EFCAB5: variants seen among roughly 807,000 people sequenced by gnomAD.
The protein encoded by EFCAB5 is EF-hand calcium binding domain 5, also known as EF-hand calcium-binding domain-containing protein 5.
Under a neutral mutation model 167.9 loss-of-function variants are expected in EFCAB5, and 131 were observed. The ratio of observed to expected loss-of-function variants is 0.78; its 90% CI spans 0.68 to 0.90. The LOEUF (loss-of-function observed/expected upper bound fraction) is 0.90. Ranked by LOEUF, EFCAB5 falls within the 40% of genes least tolerant of loss-of-function variation. EFCAB5 has a pLI of 0.00. For missense variants in EFCAB5, 1,663 were observed against 1,745.2 expected, an observed-to-expected ratio of 0.95 and a Z score of 0.84; for synonymous variants, 574 against 602.8, an observed-to-expected ratio of 0.95 and a Z score of 0.70.
chr17:30,026,507 C>A (rs1197431302), intron 7 of EFCAB5, among the ~76,000 whole-genome samples: 1 of 152,036 alleles, frequency 6.6e-6, no homozygotes, highest in East Asian at 1.9e-4. Flanking sequence ...AAAAGAAAAC[C>A]ACTATAAAAG....
At chr17:29,989,671 T>G (rs1338639618) in intron 4 of EFCAB5, among the ~76,000 whole-genome samples, 1 of 130,850 alleles carries the variant, frequency 7.6e-6, no homozygotes, top group Non-Finnish European at 1.6e-5. Context: ...ATTTACCTGA[T>G]TTTTTCTTAA....
chr17:30,045,831 C>T (rs895309171), intron 8 of EFCAB5, among the ~76,000 whole-genome samples: 17 of 151,274 alleles, frequency 1.1e-4, no homozygotes, highest in Middle Eastern at 3.4e-3. Context: ...GAGACCTGGT[C>T]TCTACAAAAA....
rs757183347 is a variant in EFCAB5, at chr17:30,053,536, C to G, written c.1582C>G (p.Gln528Glu). 3 of 1,613,802 alleles carry G rather than the reference C, an allele frequency of 1.9e-6. No homozygotes were observed. Among genetic ancestry groups the G allele is most frequent in the Non-Finnish European group, 2.5e-6 (3 of 1,179,828 alleles). The change falls in exon 10 of 23, where the codon CAA becomes GAA. Residue 528 changes from glutamine to glutamate, a missense_variant. By Grantham distance (29) the Gln-to-Glu change is conservative. Transcript: ENST00000394835. Reference protein sequence around the residue: ...PQRISIEEQQQGKKPTAEQEL... With the variant: ...PQRISIEEQQEGKKPTAEQEL... ...AAGAATTTCAATTGAAGAACAACAA[C>G]AAGGCAAAAAGCCAACTGCAGAGCA...
At position 29,969,303 on chromosome 17, in the gene EFCAB5, C is replaced by CA; in HGVS notation, c.704dup (p.Arg236GlufsTer16). On this transcript the variant is annotated frameshift_variant, in exon 4 of 23. Transcript: ENST00000394835. LOFTEE classifies it high-confidence loss of function. The stretch of plus-strand genomic sequence containing the variant: ...CAAAGACCCAGGAATGTCTGGTTAC[C>CA]AGAGGTTGATGAAAGAAGTCACAGA... 1 of 1,612,108 alleles carries CA rather than the reference C, an allele frequency of 6.2e-7. No homozygotes were observed.
In EFCAB5 at chr17:30,082,918, T is replaced by G. The variant is rs1470264021; in HGVS notation, c.3454T>G (p.Tyr1152Asp). The G allele has an allele frequency of 6.2e-7, 1 of 1,613,960 alleles. No homozygotes were observed. Among genetic ancestry groups the G allele is most frequent in the Admixed American group, 1.7e-5 (1 of 60,012 alleles). ...QGVANVFSTA[Y>D]HYVHSREHIL... Reference sequence around the variant, plus strand: ...TGTTGCTAATGTCTTTAGCACTGCCTATCACTACGTCCACAGCCGGGAGCA... The same window carrying G: ...TGTTGCTAATGTCTTTAGCACTGCCGATCACTACGTCCACAGCCGGGAGCA... The change falls in exon 18 of 23, where the codon TAT (tyrosine) becomes GAT (aspartate). Residue 1152 changes from tyrosine (Y) to aspartate (D), a missense_variant. Transcript: ENST00000394835.
chr17:30,082,714 T>A (rs2071013740), intron 17 of EFCAB5, among the ~76,000 whole-genome samples, 177 bp from the exon 18 acceptor site: 1 of 152,126 alleles, frequency 6.6e-6, no homozygotes, highest in Non-Finnish European at 1.5e-5. Context: ...TTCTTGATGA[T>A]CCTTTTTTTT....
intron 5 of EFCAB5, among the ~76,000 whole-genome samples, chr17:29,994,145 TA>T (rs1372728681): frequency 2.0e-5 from 2 of 101,320 alleles, no homozygotes; most frequent in East Asian, 6.7e-4. Context: ...TATATATATA[TA>T]TATATATATA....
At chr17:30,096,667 ATATATATATATT>A (rs1293620693) in intron 22 of EFCAB5, among the ~76,000 whole-genome samples, 2 of 59,770 alleles carry the variant, frequency 3.3e-5, no homozygotes, top group African/African-American at 1.6e-4. Flanking sequence ...ATATATATAT[ATATATATATATT>A]TTTTTTTTTT....
intron 14 of EFCAB5, among the ~76,000 whole-genome samples, chr17:30,068,198 A>T (rs896562236): frequency 1.3e-5 from 2 of 152,048 alleles, no homozygotes; most frequent in Non-Finnish European, 2.9e-5. Flanking sequence ...GCTACTCGGG[A>T]GGCTGAGGCA....
In EFCAB5 at chr17:30,068,914, A is replaced by G. The variant is rs968425455; in HGVS notation, c.2737+9213A>G. The G allele has an allele frequency of 2.3e-5, 36 of 1,542,188 alleles. 1 individual carries two copies. The highest frequency in any genetic ancestry group is 1.3e-4 in the South Asian group (12 of 89,530). The stretch of plus-strand genomic sequence containing the variant: ...GATGACAGACACAGAACGAGACCAA[A>G]TAGACCAGGATGTCCAGATATTCAT... On this transcript the variant is annotated intron_variant, in intron 14 of 22. Coordinates refer to ENST00000394835, the MANE Select transcript of EFCAB5 (RefSeq NM_198529.4).
intron 3 of EFCAB5, among the ~76,000 whole-genome samples, chr17:29,944,810 A>G (rs1192750795): frequency 6.6e-6 from 1 of 151,542 alleles, no homozygotes; most frequent in Non-Finnish European, 1.5e-5. Context: ...TTTAATAGAG[A>G]TGGGGTTTCC....
At position 29,972,669 on chromosome 17, in the gene EFCAB5, A is replaced by T. The variant is rs564420399; in HGVS notation, c.767+3302A>T. 46 of 176,150 alleles carry T rather than the reference A, an allele frequency of 2.6e-4. No homozygotes were observed. The South Asian group carries it at 6.0e-3, about 23-fold the overall frequency. The allele number at this position is 176,150 out of a possible 1,614,324, so 10.9% of individuals were successfully genotyped here. ...GGGGTCTTGTGGCGGCCTGTTAGGG[A>T]TGTGATCCAGCGCTTTGGAGGCAGG... On this transcript the variant is annotated intron_variant, in intron 4 of 22. Coordinates refer to ENST00000394835, the MANE Select transcript of EFCAB5 (RefSeq NM_198529.4).
chr17:30,069,709 G>A (rs2070680432), intron 14 of EFCAB5: 5 of 1,101,832 alleles, frequency 4.5e-6, no homozygotes, highest in African/African-American at 1.6e-5. Context: ...ACCCGCCGTA[G>A]TCTCATGTAC....
At position 30,092,105 on chromosome 17, in the gene EFCAB5, A is replaced by G; in HGVS notation, c.4172A>G (p.His1391Arg). 2 of 1,613,962 alleles carry G rather than the reference A, an allele frequency of 1.2e-6. No individual in the cohort carries two copies. The highest frequency in any genetic ancestry group is 1.7e-6 in the Non-Finnish European group (2 of 1,179,864). Residue 1391 changes from histidine (H) to arginine (R), a missense_variant, in exon 21 of 23, where the codon CAT becomes CGT. Transcript: ENST00000394835. ...CTGAAGGCGGTTATCTTGTTCTTTCATCCAGAGTTGGAATTTTCAAGTGAC... is the reference window on the plus strand; with the variant it reads ...CTGAAGGCGGTTATCTTGTTCTTTCGTCCAGAGTTGGAATTTTCAAGTGAC... ...DILKAVILFF[H>R]PELEFSSDFG...
chr17:29,958,157 GA>G (rs1312795229), intron 3 of EFCAB5, among the ~76,000 whole-genome samples: 1 of 151,924 alleles, frequency 6.6e-6, no homozygotes, highest in African/African-American at 2.4e-5. Flanking sequence ...ATTTTATTAA[GA>G]AAAAAATATT....
intron 7 of EFCAB5, among the ~76,000 whole-genome samples, chr17:30,032,434 G>A (rs1014746796): frequency 1.3e-5 from 2 of 152,128 alleles, no homozygotes; most frequent in African/African-American, 4.8e-5. Context: ...ATTACTTTCA[G>A]CTAAAGGCAC....
chr17:30,094,786 G>T (rs974949048), intron 22 of EFCAB5, among the ~76,000 whole-genome samples: 7 of 152,118 alleles, frequency 4.6e-5, no homozygotes, highest in Non-Finnish European at 1.0e-4. Flanking sequence ...AGTAACATTG[G>T]GTAGCTTTGT....
At chr17:29,940,617 C>G (rs1037558878), upstream of EFCAB5, among the ~76,000 whole-genome samples, 3 of 151,930 alleles carry the variant, frequency 2.0e-5, no homozygotes, top group Admixed American at 2.0e-4. Flanking sequence ...AATTTATTTT[C>G]TATTATTTAT....
chr17:30,025,682 G>T (rs891851356), intron 7 of EFCAB5, among the ~76,000 whole-genome samples: 8 of 152,140 alleles, frequency 5.3e-5, no homozygotes, highest in African/African-American at 1.7e-4. Flanking sequence ...TATACCCAAA[G>T]GACTATAAAT....
Sources: allele counts gnomAD v4.1 joint callset (sites outside exome capture counted in the v4.1 genomes callset), GRCh38; gene constraint gnomAD v4.1.1; transcripts MANE v1.5; gene names NCBI Gene and HGNC (gene_info 2026-07-23, HGNC 2026-07-21).